The following FREM2 variants were observed in gnomAD, a reference collection of about 807,000 sequenced individuals.
FREM2 encodes the protein FRAS1-related extracellular matrix protein 2.
In FREM2, 119 loss-of-function variants were observed where a neutral mutation model predicts 219.9. The ratio of observed to expected loss-of-function variants is 0.54; its 90% CI spans 0.47 to 0.63. The LOEUF (loss-of-function observed/expected upper bound fraction) is 0.63. Among genes scored for constraint, FREM2 ranks in the 30% least tolerant of loss-of-function variants. FREM2 has a pLI of 0.00. For synonymous variants in FREM2, 1,562 were observed against 1,522.8 expected, an observed-to-expected ratio of 1.03 and a Z score of -0.60; for missense variants, 4,030 against 3,993.6, an observed-to-expected ratio of 1.01 and a Z score of -0.25.
chr13:38,771,727 A>G (rs1225371910), intron 4 of FREM2, among the ~76,000 whole-genome samples: 1 of 152,164 alleles, frequency 6.6e-6, no homozygotes, highest in East Asian at 1.9e-4. Flanking sequence ...TGGATAACTG[A>G]TAAGTCTTCC....
At position 38,886,454 on chromosome 13, in the gene FREM2, A is replaced by G. The variant is rs1878733985; in HGVS notation, c.*5667A>G. 1 of 152,000 alleles carries G rather than the reference A, an allele frequency of 6.6e-6. No individual in the cohort carries two copies. Among genetic ancestry groups the G allele is most frequent in the South Asian group, 2.1e-4 (1 of 4,818 alleles). The allele number at this position is 152,000 out of a possible 1,614,324, so 9.4% of individuals were successfully genotyped here. On this transcript the variant is annotated 3_prime_UTR_variant, in exon 24 of 24. Transcript: ENST00000280481. ...CTCTTGTTGCCCAGGCTGGAGTGCA[A>G]TGGAATGATCTTGGCTCACCGCAAC...
intron 15 of FREM2, among the ~76,000 whole-genome samples, chr13:38,862,882 A>G (rs531795340): frequency 7.7e-4 from 117 of 152,322 alleles, no homozygotes; most frequent in Admixed American, 2.5e-3. Context: ...TGTTGCACAC[A>G]GTTCTGTTTC....
At chr13:38,858,074 A>C in intron 13 of FREM2, 41 bp downstream of exon 13, 1 of 1,481,944 alleles carries the variant, frequency 6.7e-7, no homozygotes, top group Non-Finnish European at 9.4e-7. Flanking sequence ...ATTGTAAGAT[A>C]ATTATTTCAA....
rs371219491 is a variant in FREM2 at position 38,841,564 on chromosome 13, G to GA, written c.6020-4999dup. Among the ~76,000 whole-genome samples the GA allele has an allele frequency of 2.0e-4, 29 of 145,688 alleles. No individual in the cohort carries two copies. The East Asian group carries it at 2.0e-3, about 10-fold the overall frequency. ...GAAGGCAAAGTATTTCAAAACAAAA[G>GA]AAAAAAAAAAGCCTCTTCTCTTTGA... On this transcript the variant is annotated intron_variant, in intron 6 of 23. Transcript: ENST00000280481.
At chr13:38,753,978 A>G (rs200825745) in intron 2 of FREM2, among the ~76,000 whole-genome samples, 2 of 117,036 alleles carry the variant, frequency 1.7e-5, no homozygotes, top group Non-Finnish European at 3.7e-5. Context: ...TTTATTTTTT[A>G]TTTTATTTTA....
At position 38,687,613 on chromosome 13, in the gene FREM2, A is replaced by T. The variant is rs778905129; in HGVS notation, c.269A>T (p.Asp90Val). Residue 90 changes from aspartate to valine, a missense_variant, in exon 1 of 24, where the codon GAT becomes GTT. Asp to Val is a radical substitution (Grantham distance 152). Transcript: ENST00000280481. Reference protein sequence around the residue: ...RVPFGREVWLDPLHDLVLQVQ... With the variant: ...RVPFGREVWLVPLHDLVLQVQ... ...CCTTTCGGCCGTGAAGTCTGGCTGG[A>T]TCCCCTGCATGACCTGGTGTTGCAG... is the stretch of plus-strand genomic sequence containing the variant. 9.9e-6 allele frequency: 16 copies of T among 1,609,142 alleles called. No individual in the cohort carries two copies. Among genetic ancestry groups the T allele is most frequent in the Non-Finnish European group, 1.4e-5 (16 of 1,178,138 alleles).
intron 1 of FREM2, among the ~76,000 whole-genome samples, chr13:38,694,799 G>A (rs1870036358): frequency 6.6e-6 from 1 of 152,090 alleles, no homozygotes; most frequent in Non-Finnish European, 1.5e-5. Context: ...TCACCTCTTT[G>A]CCAAGTTGCC....
At chr13:38,838,649 T>A (rs1876817241) in intron 6 of FREM2, among the ~76,000 whole-genome samples, 1 of 152,192 alleles carries the variant, frequency 6.6e-6, no homozygotes, top group Non-Finnish European at 1.5e-5. Context: ...CTTGGAGGCT[T>A]TGTTCGTTCC....
chr13:38,783,258 T>C, intron 5 of FREM2, 63 bp downstream of exon 5: 1 of 1,553,738 alleles, frequency 6.4e-7, no homozygotes, highest in South Asian at 1.1e-5. Context: ...CTTTTTAACA[T>C]ATTGGAGCCA....
rs148390505 is a variant in FREM2, at chr13:38,741,667, C to T, written c.5264-22637C>T. On this transcript the variant is annotated intron_variant, in intron 2 of 23. Transcript: ENST00000280481. The stretch of plus-strand genomic sequence containing the variant: ...AATAGCACTTTAGTTAATGGGCTCC[C>T]GAACTCTTACCCTTTTGAAAGTGTT... Among the ~76,000 whole-genome samples the T allele has an allele frequency of 3.4e-3, 513 of 152,250 alleles. 2 individuals carry two copies. The highest frequency in any genetic ancestry group is 0.012 in the African/African-American group (486 of 41,560).
chr13:38,851,732 C>G lies in FREM2; in HGVS notation c.6789C>G (p.Pro2263=). ...AAACCAAATTTAGTGTCACTGAACC[C>G]AAAGAACCTGGAGAGTCGGTGGTTA... is the stretch of plus-strand genomic sequence containing the variant. The part of the protein sequence containing the change: ...FGETKFSVTE[P]KEPGESVVIR... Residue 2263 remains proline (P), a synonymous_variant, in exon 11 of 24, where the codon CCC becomes CCG. Coordinates refer to ENST00000280481, the MANE Select transcript of FREM2 (RefSeq NM_207361.6). The G allele has an allele frequency of 6.2e-7, 1 of 1,613,558 alleles. No individual in the cohort carries two copies. The highest frequency in any genetic ancestry group is 8.5e-7 in the Non-Finnish European group (1 of 1,179,568).
At chr13:38,772,842 G>T (rs903690789) in intron 4 of FREM2, among the ~76,000 whole-genome samples, 7 of 151,800 alleles carry the variant, frequency 4.6e-5, no homozygotes, top group African/African-American at 1.7e-4. Context: ...GATTACGGGC[G>T]GTTGCCACCA....
At chr13:38,871,666 A>T (rs1305707064) in intron 16 of FREM2, among the ~76,000 whole-genome samples, 4 of 152,122 alleles carry the variant, frequency 2.6e-5, no homozygotes, top group Admixed American at 2.0e-4. Flanking sequence ...TTGAGTCTTA[A>T]TTTTATCTTT....
intron 6 of FREM2, among the ~76,000 whole-genome samples, chr13:38,836,012 T>C (rs1380023976): frequency 6.6e-6 from 1 of 152,214 alleles, no homozygotes; most frequent in African/African-American, 2.4e-5. Context: ...GGCATCCTTG[T>C]CTTGTGCTGG....
At chr13:38,870,268 A>G (rs1436312866) in intron 16 of FREM2, among the ~76,000 whole-genome samples, 1 of 152,166 alleles carries the variant, frequency 6.6e-6, no homozygotes, top group Non-Finnish European at 1.5e-5. Context: ...TGCAGGATAT[A>G]TACTTACCCC....
At chr13:38,819,398 A>C (rs2137874700) in intron 6 of FREM2, among the ~76,000 whole-genome samples, 1 of 152,264 alleles carries the variant, frequency 6.6e-6, no homozygotes, top group African/African-American at 2.4e-5. Flanking sequence ...AGAAAAACTA[A>C]CCATTTTGTA....
intron 2 of FREM2, among the ~76,000 whole-genome samples, chr13:38,742,868 A>G (rs985736689): frequency 2.0e-5 from 3 of 152,222 alleles, no homozygotes; most frequent in African/African-American, 7.2e-5. Context: ...ATCATTAAAT[A>G]ATCATCAAAT....
rs937283124 is a variant in FREM2, at chr13:38,885,907, A to G, written c.*5120A>G. 1.3e-5 allele frequency: 2 copies of G among 152,220 alleles called. No homozygotes were observed. The highest frequency in any genetic ancestry group is 2.9e-5 in the Non-Finnish European group (2 of 68,028). The allele number at this position is 152,220 out of a possible 1,614,324, so 9.4% of individuals were successfully genotyped here. Reference sequence around the variant, plus strand: ...ATGACCGAATACCTTAAAATGAACTAAATAACTGAAATAAAGTGTTAAAAT... The same window carrying G: ...ATGACCGAATACCTTAAAATGAACTGAATAACTGAAATAAAGTGTTAAAAT... On this transcript the variant is annotated 3_prime_UTR_variant, in exon 24 of 24. Coordinates refer to ENST00000280481, the MANE Select transcript of FREM2 (RefSeq NM_207361.6).
In FREM2 at chr13:38,848,457, A is replaced by G. The variant is rs766829009; in HGVS notation, c.6170-4A>G. The G allele has an allele frequency of 3.2e-5, 51 of 1,609,546 alleles. No individual in the cohort carries two copies. The highest frequency in any genetic ancestry group is 4.2e-5 in the Non-Finnish European group (49 of 1,176,018). ...AACTGAATATTTTTTTGTTACTGTCATAGCTGGAACAGACTATGTGGGCAT... is the reference window on the plus strand; with the variant it reads ...AACTGAATATTTTTTTGTTACTGTCGTAGCTGGAACAGACTATGTGGGCAT... On this transcript the variant is annotated splice_region_variant and splice_polypyrimidine_tract_variant and intron_variant, in intron 7 of 23. Transcript: ENST00000280481.
Sources: allele counts gnomAD v4.1 joint callset (sites outside exome capture counted in the v4.1 genomes callset), GRCh38; gene constraint gnomAD v4.1.1; transcripts MANE v1.5; gene names NCBI Gene and HGNC (gene_info 2026-07-23, HGNC 2026-07-21).